KIAA2012: variants seen among roughly 807,000 people sequenced by gnomAD.
KIAA2012 encodes the protein KIAA2012, also known as uncharacterized protein KIAA2012.
KIAA2012 carries 125 observed loss-of-function variants against 150.6 expected under a neutral mutation model. The observed-to-expected ratio is 0.83, with a 90% CI of 0.72 to 0.96. KIAA2012 has a LOEUF of 0.96. Among genes scored for constraint, KIAA2012 ranks in the 40% least tolerant of loss-of-function variants. The probability of loss-of-function intolerance (pLI) is 0.00; values close to 1 mark genes in which losing one functional copy is unlikely to be tolerated. For missense variants in KIAA2012, 1,219 were observed against 1,354.9 expected, an observed-to-expected ratio of 0.90 and a Z score of 1.57; for synonymous variants, 462 against 504.7, an observed-to-expected ratio of 0.92 and a Z score of 1.13.
chr2:202,165,353 C>T lies in KIAA2012; in HGVS notation c.2116C>T (p.Gln706Ter). ...RPLRETHHNDQDPEPRSMTLD... is the reference protein window; with the variant it reads ...RPLRETHHND ...CCTCAGAGAAACTCACCACAACGAC[C>T]AAGGTACAGACCACTAGGTGGGGCT... The change falls in exon 15 of 24, where the codon CAA becomes TAA. Residue 706 changes from glutamine to a stop codon, truncating the protein, a stop_gained. Transcript: ENST00000498697. LOFTEE classifies it high-confidence loss of function. The T allele has an allele frequency of 6.5e-7, 1 of 1,550,038 alleles. No individual in the cohort carries two copies. Among genetic ancestry groups the T allele is most frequent in the Non-Finnish European group, 8.7e-7 (1 of 1,146,612 alleles).
intron 7 of KIAA2012, among the ~76,000 whole-genome samples, chr2:202,102,575 T>C (rs571903495): frequency 1.3e-5 from 2 of 152,304 alleles, no homozygotes; most frequent in East Asian, 3.9e-4. Context: ...TGTACTTTGC[T>C]TTTTCCCTTA....
Position 202,090,848 on chromosome 2 carries a change from C to G in KIAA2012, c.448C>G (p.Pro150Ala). The G allele has an allele frequency of 6.4e-7, 1 of 1,550,606 alleles. No individual in the cohort carries two copies. The highest frequency in any genetic ancestry group is 1.2e-5 in the South Asian group (1 of 84,064). ...GAGCCAGGCCCAACGGCAGATCCAG[C>G]CAGGGCATTCAGCCAAGAGATACCT... ...LESQAQRQIQ[P>A]GHSAKRYLRG... The change falls in exon 3 of 24, where the codon CCA becomes GCA. Residue 150 changes from proline to alanine, a missense_variant. Physicochemically the swap from Pro to Ala is conservative, Grantham distance 27. Coordinates refer to ENST00000498697, the MANE Select transcript of KIAA2012 (RefSeq NM_001277372.4).
In KIAA2012 at chr2:202,104,952, A is replaced by G. The variant is rs1690142541; in HGVS notation, c.1325-809A>G. Among the ~76,000 whole-genome samples, 1 of 152,222 alleles carries G rather than the reference A, an allele frequency of 6.6e-6. No individual in the cohort carries two copies. ...AAACCACCAGGCCATCATGAACCAG[A>G]TTCTTAAAGCCAGATGCACTGAGCT... is the stretch of plus-strand genomic sequence containing the variant. On this transcript the variant is annotated intron_variant, in intron 8 of 23. Transcript: ENST00000498697. The surrounding 1 kb of genome is among the most constrained non-coding windows in gnomAD (Gnocchi z 4.3).
chr2:202,073,388 C>A lies in KIAA2012; in HGVS notation c.-240C>A. The stretch of plus-strand genomic sequence containing the variant: ...CGCCCAGAGAGTAGACAATCCAGGG[C>A]TTGAGGAGGCTGGCTGTGCGGTTTA... On this transcript the variant is annotated 5_prime_UTR_variant, in exon 1 of 24. Transcript: ENST00000498697. 1 of 450,894 alleles carries A rather than the reference C, an allele frequency of 2.2e-6. No homozygotes were observed. Among genetic ancestry groups the A allele is most frequent in the Non-Finnish European group, 4.0e-6 (1 of 249,280 alleles). The allele number at this position is 450,894 out of a possible 1,614,324, so 27.9% of individuals were successfully genotyped here.
At chr2:202,137,478 G>C (rs1453669910) in intron 12 of KIAA2012, 1 of 151,888 alleles carries the variant, frequency 6.6e-6, no homozygotes, top group East Asian at 1.9e-4. Flanking sequence ...CACCACGCCC[G>C]GCTAATTTTT....
chr2:202,194,414 A>G (rs1692376159), intron 21 of KIAA2012, 52 bp downstream of exon 21: 1 of 1,537,036 alleles, frequency 6.5e-7, no homozygotes, highest in African/African-American at 1.4e-5. Context: ...GGGCAGAAAC[A>G]CTTTTATCCA....
chr2:202,092,740 G>T (rs1689757420), intron 3 of KIAA2012, among the ~76,000 whole-genome samples: 2 of 152,044 alleles, frequency 1.3e-5, no homozygotes, highest in Admixed American at 1.3e-4. Flanking sequence ...GGAGCTTTTT[G>T]CTCCAAAGCA....
chr2:202,122,734 C>G (rs960524123), intron 11 of KIAA2012, among the ~76,000 whole-genome samples: 3 of 152,188 alleles, frequency 2.0e-5, no homozygotes, highest in African/African-American at 7.2e-5. Flanking sequence ...AAACTCCTGA[C>G]CTCAGGTGAT....
Position 202,097,535 on chromosome 2 carries a change from A to T in KIAA2012, c.786A>T (p.Pro262=). The change falls in exon 5 of 24, where the codon CCA becomes CCT. Residue 262 remains proline (P), a synonymous_variant. Coordinates refer to ENST00000498697, the MANE Select transcript of KIAA2012 (RefSeq NM_001277372.4). The part of the protein sequence containing the change: ...NHGSQGTRLP[P]RRKQPWQEDE... ...GCAGTCAGGGGACTCGCTTGCCACC[A>T]CGCAGGAAGCAGCCCTGGCAGGAAG... The T allele has an allele frequency of 6.5e-7, 1 of 1,549,982 alleles. No individual in the cohort carries two copies. Among genetic ancestry groups the T allele is most frequent in the Non-Finnish European group, 8.7e-7 (1 of 1,146,914 alleles).
chr2:202,123,373 C>T (rs1231575759), intron 11 of KIAA2012, among the ~76,000 whole-genome samples: 2 of 152,086 alleles, frequency 1.3e-5, no homozygotes, highest in African/African-American at 4.8e-5. Flanking sequence ...TGTCTGTCTC[C>T]AAGGTCCCTA....
intron 10 of KIAA2012, among the ~76,000 whole-genome samples, chr2:202,111,255 G>A (rs1032709773): frequency 6.6e-6 from 1 of 151,554 alleles, no homozygotes; most frequent in African/African-American, 2.4e-5. Flanking sequence ...CCAGCACTTT[G>A]GGAGGCTGAG....
Position 202,165,281 on chromosome 2 carries a change from T to C in KIAA2012, c.2047-3T>C, listed in dbSNP as rs557053184. 3.2e-6 allele frequency: 5 copies of C among 1,550,014 alleles called. No individual in the cohort carries two copies. Among genetic ancestry groups the C allele is most frequent in the African/African-American group, 2.7e-5 (2 of 73,116 alleles). ...TATTCTTTGTTGTGTGTTAACCCAA[T>C]AGGAAAGTGGAAATGCACTGGACTA... On this transcript the variant is annotated splice_region_variant and splice_polypyrimidine_tract_variant and intron_variant, in intron 14 of 23. Coordinates refer to ENST00000498697, the MANE Select transcript of KIAA2012 (RefSeq NM_001277372.4).
Position 202,187,022 on chromosome 2 carries a change from C to T in KIAA2012, c.2300C>T (p.Ser767Phe). The change falls in exon 17 of 24, where the codon TCT becomes TTT. Residue 767 changes from serine to phenylalanine, a missense_variant. Physicochemically the swap from Ser to Phe is radical, Grantham distance 155. Transcript: ENST00000498697. ...GAGAGGTTGAGTGCTGTGTATACAT[C>T]TCTTCTTCCAAGAGAAAGAGAAGGG... ...SPERLSAVYT[S>F]LLPREREGKA... The T allele has an allele frequency of 6.4e-7, 1 of 1,550,598 alleles. No homozygotes were observed. Among genetic ancestry groups the T allele is most frequent in the South Asian group, 1.2e-5 (1 of 84,058 alleles).
chr2:202,075,863 C>T (rs991427562), intron 2 of KIAA2012, among the ~76,000 whole-genome samples: 1 of 152,236 alleles, frequency 6.6e-6, no homozygotes, highest in Non-Finnish European at 1.5e-5. Context: ...TGTTTACTGA[C>T]TTTTCATTCC....
intron 2 of KIAA2012, among the ~76,000 whole-genome samples, chr2:202,087,529 A>G (rs1689601598): frequency 6.6e-6 from 1 of 151,032 alleles, no homozygotes; most frequent in Non-Finnish European, 1.5e-5. Context: ...AAAAAAAAAA[A>G]AAAAAAGGCT....
intron 12 of KIAA2012, among the ~76,000 whole-genome samples, chr2:202,134,835 G>A (rs181385802): frequency 2.0e-5 from 3 of 152,342 alleles, no homozygotes; most frequent in East Asian, 1.9e-4. Context: ...GATTACAGGC[G>A]TGAGCCACCA....
At chr2:202,144,053 A>G (rs1691251589) in intron 13 of KIAA2012, among the ~76,000 whole-genome samples, 1 of 152,232 alleles carries the variant, frequency 6.6e-6, no homozygotes, top group African/African-American at 2.4e-5. Context: ...CCCAAAAATG[A>G]TTGCATCTCT....
chr2:202,179,412 C>T (rs1262611154), intron 15 of KIAA2012: 8 of 742,562 alleles, frequency 1.1e-5, no homozygotes, highest in East Asian at 5.6e-5. Flanking sequence ...GGAATTAAAG[C>T]GGCAAATGGT....
At chr2:202,196,508 T>C (rs1692418522) in intron 21 of KIAA2012, among the ~76,000 whole-genome samples, 1 of 152,050 alleles carries the variant, frequency 6.6e-6, no homozygotes, top group African/African-American at 2.4e-5. Context: ...AAGCACCAAG[T>C]TTCTCTAGAC....
Sources: allele counts gnomAD v4.1 joint callset (sites outside exome capture counted in the v4.1 genomes callset), GRCh38; gene constraint gnomAD v4.1.1; non-coding constraint Gnocchi (gnomAD v3.1); transcripts MANE v1.5; gene names NCBI Gene and HGNC (gene_info 2026-07-23, HGNC 2026-07-21).